Variants in SLC22A9 observed in about 807,000 individuals in gnomAD.
SLC22A9 encodes the protein organic anion transporter 7.
A neutral mutation model predicts 50.1 loss-of-function variants in SLC22A9; 64 were observed. That is an observed-to-expected ratio of 1.28 (90% CI 1.04 to 1.57). The LOEUF is 1.57. SLC22A9 is among the 40% of genes most tolerant of loss of function. The pLI, the probability that SLC22A9 is intolerant of heterozygous loss-of-function variation, is 0.00. For missense variants in SLC22A9, 757 were observed against 676.1 expected (o/e 1.12, Z -1.33); for synonymous variants, 261 against 242.5 (o/e 1.08, Z -0.71).
At chr11:63,383,307 C>T (rs1229093831) in intron 6 of SLC22A9, among the ~76,000 whole-genome samples, 1 of 152,104 alleles carries the variant, frequency 6.6e-6, no homozygotes, top group Non-Finnish European at 1.5e-5. Flanking sequence ...CTCTGGATAT[C>T]TTAAGAATAA....
chr11:63,392,398 G>T (rs139493673), intron 6 of SLC22A9, among the ~76,000 whole-genome samples: 1 of 152,114 alleles, frequency 6.6e-6, no homozygotes, highest in Non-Finnish European at 1.5e-5. Flanking sequence ...TGTAGGACAG[G>T]TCTGGTGTTG....
At chr11:63,393,702 C>G (rs1316020929) in intron 6 of SLC22A9, among the ~76,000 whole-genome samples, 2 of 151,978 alleles carry the variant, frequency 1.3e-5, no homozygotes, top group African/African-American at 2.4e-5. Flanking sequence ...GTGGGTAACC[C>G]GAACTTTCTC....
intron 6 of SLC22A9, among the ~76,000 whole-genome samples, chr11:63,383,137 C>T (rs1431342636): frequency 2.0e-5 from 3 of 152,138 alleles, no homozygotes; most frequent in East Asian, 3.9e-4. Flanking sequence ...GTGACTGGTA[C>T]AGCTCAGTGC....
At position 63,373,781 on chromosome 11, in the gene SLC22A9, C is replaced by T; in HGVS notation, c.644C>T (p.Thr215Ile). The change falls in exon 3 of 10, where the codon ACA becomes ATA. Residue 215 changes from threonine to isoleucine, a missense_variant. Coordinates refer to ENST00000279178, the MANE Select transcript of SLC22A9 (RefSeq NM_080866.3). ...GGGATTGCTGCAATGAGCCTCATAA[C>T]AAATACTATTATGTTAAGTAAGCCA... ...LSGIAAMSLI[T>I]NTIMLIAEWA... is the part of the protein sequence containing the mutation. The T allele has an allele frequency of 6.2e-7, 1 of 1,609,758 alleles. No individual in the cohort carries two copies. The highest frequency in any genetic ancestry group is 8.5e-7 in the Non-Finnish European group (1 of 1,178,388).
chr11:63,391,290 C>T (rs1489942355), intron 6 of SLC22A9, among the ~76,000 whole-genome samples: 1 of 152,076 alleles, frequency 6.6e-6, no homozygotes, highest in African/African-American at 2.4e-5. Flanking sequence ...AGTGCATATT[C>T]TTCAGCCATT....
intron 2 of SLC22A9, among the ~76,000 whole-genome samples, chr11:63,372,498 C>T (rs1252168475): frequency 6.6e-6 from 1 of 151,972 alleles, no homozygotes; most frequent in Non-Finnish European, 1.5e-5. Context: ...TATAGTGTTC[C>T]ACCAATGTAA....
At position 63,410,006 on chromosome 11, in the gene SLC22A9, T is replaced by A. The variant is rs935109833; in HGVS notation, c.*144T>A. The A allele has an allele frequency of 2.2e-5, 17 of 783,074 alleles. No individual in the cohort carries two copies. The highest frequency in any genetic ancestry group is 3.4e-5 in the Non-Finnish European group (17 of 495,852). 48.5% of individuals were successfully genotyped at this position (783,074 alleles called of 1,614,324 possible). A position where few individuals can be genotyped will look rare whatever the true frequency, so the allele number is the denominator to read the frequency against. On this transcript the variant is annotated 3_prime_UTR_variant, in exon 10 of 10. Coordinates refer to ENST00000279178, the MANE Select transcript of SLC22A9 (RefSeq NM_080866.3). ...CTGTAATCCCAGCACCTTGGGAGGC[T>A]GAGGCGGGCAGATCATGAGGTCAGA...
At chr11:63,374,175 C>G (rs2014421077) in intron 4 of SLC22A9, 113 bp downstream of exon 4, 1 of 1,020,890 alleles carries the variant, frequency 9.8e-7, no homozygotes. Context: ...AGCACGTCCT[C>G]TCATAATCTG....
At position 63,406,813 on chromosome 11, in the gene SLC22A9, G is replaced by A. The variant is rs183076518; in HGVS notation, c.1288+102G>A. The A allele has an allele frequency of 3.1e-6, 4 of 1,290,146 alleles. No homozygotes were observed. In the East Asian group the frequency reaches 1.0e-4, roughly 33 times the overall value. The allele number at this position is 1,290,146 out of a possible 1,614,324, so 79.9% of individuals were successfully genotyped here. ...GAAGCCAAGAAGGAAAGGGAGAATT[G>A]GGTTCTTAGGATTTCCTGACACCAA... On this transcript the variant is annotated intron_variant, in intron 7 of 9. Transcript: ENST00000279178.
intron 5 of SLC22A9, among the ~76,000 whole-genome samples, chr11:63,380,010 G>A (rs986281396): frequency 6.6e-6 from 1 of 151,986 alleles, no homozygotes; most frequent in Admixed American, 6.6e-5. Context: ...GGGATTACAA[G>A]CGTAAGCCAT....
intron 6 of SLC22A9, among the ~76,000 whole-genome samples, chr11:63,400,873 C>T (rs532302781): frequency 1.3e-5 from 2 of 152,192 alleles, no homozygotes; most frequent in African/African-American, 4.8e-5. Flanking sequence ...AAACATAAAA[C>T]ATAACATTAG....
chr11:63,409,475 T>C (rs563204064), intron 9 of SLC22A9, among the ~76,000 whole-genome samples: 11 of 152,078 alleles, frequency 7.2e-5, no homozygotes, highest in Admixed American at 7.2e-4. Context: ...CTCATAACAT[T>C]TTAAGAAAGT....
chr11:63,393,299 G>T (rs973757230), intron 6 of SLC22A9, among the ~76,000 whole-genome samples: 9 of 152,048 alleles, frequency 5.9e-5, no homozygotes, highest in Admixed American at 3.9e-4. Flanking sequence ...GGTCTCTGTT[G>T]GTGTATAGAA....
At chr11:63,372,610 G>C (rs979116938) in intron 2 of SLC22A9, among the ~76,000 whole-genome samples, 8 of 152,008 alleles carry the variant, frequency 5.3e-5, no homozygotes, top group African/African-American at 1.9e-4. Flanking sequence ...AGCAGTTTGG[G>C]TAAGACTGAC....
At chr11:63,407,454 G>A (rs1205276759) in intron 7 of SLC22A9, among the ~76,000 whole-genome samples, 1 of 152,134 alleles carries the variant, frequency 6.6e-6, no homozygotes, top group Non-Finnish European at 1.5e-5. Context: ...AATGATCCAA[G>A]TGTGCTACAA....
chr11:63,371,259 G>T (rs780650655), intron 2 of SLC22A9, 21 bp downstream of exon 2: 2 of 1,557,838 alleles, frequency 1.3e-6, no homozygotes, highest in South Asian at 2.3e-5. Context: ...ATGGAACACA[G>T]CTCTCTTTAA....
At chr11:63,382,315 C>T in intron 6 of SLC22A9, 38 bp downstream of exon 6, 2 of 1,433,640 alleles carry the variant, frequency 1.4e-6, no homozygotes, top group Non-Finnish European at 1.9e-6. Context: ...AGTTACAGTA[C>T]TGGAGACATG....
At position 63,410,260 on chromosome 11, in the gene SLC22A9, A is replaced by AAAAAAAAGAAG. The variant is rs1555017405; in HGVS notation, c.*398_*399insAAAAAAAGAAG. The stretch of plus-strand genomic sequence containing the variant: ...TCTCAAAAAAAAAAAAAAAAAAAAA[A>AAAAAAAAGAAG]GAAAGAAGGAAAGAAAGAAAGAAAA... On this transcript the variant is annotated 3_prime_UTR_variant, in exon 10 of 10. Coordinates refer to ENST00000279178, the MANE Select transcript of SLC22A9 (RefSeq NM_080866.3). The AAAAAAAAGAAG allele has an allele frequency of 7.3e-5, 10 of 136,800 alleles. No individual in the cohort carries two copies. In the East Asian group the frequency reaches 8.7e-4, roughly 12 times the overall value. The allele number at this position is 136,800 out of a possible 1,614,324, so 8.5% of individuals were successfully genotyped here.
intron 6 of SLC22A9, among the ~76,000 whole-genome samples, chr11:63,403,817 A>C (rs114727517): frequency 0.036 from 5,510 of 151,922 alleles, 302 homozygotes; most frequent in Admixed American, 0.11. Context: ...AAAAATAAAT[A>C]AATAAATCAA....
Sources: allele counts gnomAD v4.1 joint callset (sites outside exome capture counted in the v4.1 genomes callset), GRCh38; gene constraint gnomAD v4.1.1; transcripts MANE v1.5; gene names NCBI Gene and HGNC (gene_info 2026-07-23, HGNC 2026-07-21).